PRKG1: variants seen among roughly 807,000 people sequenced by gnomAD.
PRKG1 encodes the protein protein kinase cGMP-dependent 1.
Under a neutral mutation model 88.1 loss-of-function variants are expected in PRKG1, and 35 were observed. That is an observed-to-expected ratio of 0.40 (90% CI 0.30 to 0.53). The LOEUF (loss-of-function observed/expected upper bound fraction) is 0.53. Ranked by LOEUF, PRKG1 falls within the 20% of genes least tolerant of loss-of-function variation. The pLI is 0.59. For synonymous variants in PRKG1, 303 were observed against 292.5 expected (o/e 1.04, Z -0.37); for missense variants, 540 against 839.8 (o/e 0.64, Z 4.41).
intron 3 of PRKG1, among the ~76,000 whole-genome samples, chr10:51,517,359 T>G (rs898558556): frequency 2.0e-5 from 3 of 152,158 alleles, no homozygotes; most frequent in Non-Finnish European, 2.9e-5. Flanking sequence ...TTCTTCTGGG[T>G]ATGGGAAAGG....
chr10:51,045,041 T>G (rs771564283), intron 1 of PRKG1, among the ~76,000 whole-genome samples: 14 of 152,210 alleles, frequency 9.2e-5, no homozygotes, highest in Non-Finnish European at 1.6e-4. Flanking sequence ...CTATGTTGTC[T>G]TAAAAGGTAG....
intron 3 of PRKG1, among the ~76,000 whole-genome samples, chr10:51,510,909 A>T (rs930223176): frequency 2.4e-4 from 33 of 135,400 alleles, no homozygotes; most frequent in Non-Finnish European, 3.1e-4. Flanking sequence ...ACACCAGCTT[A>T]TTTTTTTTTT....
intron 6 of PRKG1, among the ~76,000 whole-genome samples, chr10:52,059,074 T>G (rs1266535857): frequency 6.6e-6 from 1 of 151,896 alleles, no homozygotes; most frequent in African/African-American, 2.4e-5. Flanking sequence ...GTGTTCAAAA[T>G]GATTAGTCAT....
At chr10:51,904,373 T>TGGAG (rs1382216748) in intron 4 of PRKG1, among the ~76,000 whole-genome samples, 3 of 152,096 alleles carry the variant, frequency 2.0e-5, no homozygotes, top group African/African-American at 7.2e-5. Context: ...TATAATTTAG[T>TGGAG]GGAGTCTAAA....
At chr10:52,048,215 A>G (rs1412001438) in intron 5 of PRKG1, among the ~76,000 whole-genome samples, 1 of 152,076 alleles carries the variant, frequency 6.6e-6, no homozygotes, top group Non-Finnish European at 1.5e-5. Flanking sequence ...ACTTAAATAT[A>G]GAGGAAATAA....
chr10:51,789,608 C>A (rs1838814763), intron 3 of PRKG1, among the ~76,000 whole-genome samples: 2 of 151,892 alleles, frequency 1.3e-5, no homozygotes, highest in African/African-American at 4.8e-5. Context: ...TAAGGGCTAC[C>A]CTAAAATGAA....
intron 5 of PRKG1, chr10:51,909,486 C>T (rs747916346): frequency 6.6e-6 from 1 of 151,974 alleles, no homozygotes; most frequent in Non-Finnish European, 1.5e-5. Flanking sequence ...AGATCATTTA[C>T]ATATACGAAG....
In PRKG1 at chr10:51,398,383, G is replaced by A. The variant is rs527515680; in HGVS notation, c.479-69340G>A. Among the ~76,000 whole-genome samples the A allele has an allele frequency of 2.6e-5, 4 of 152,080 alleles. No individual in the cohort carries two copies. The South Asian group carries it at 8.3e-4, about 32-fold the overall frequency. ...ATCTGACAGGAGGAGGAGCTCAGGCGATGATGCTCACTCACCTGCTGCTCA... is the reference window on the plus strand; with the variant it reads ...ATCTGACAGGAGGAGGAGCTCAGGCAATGATGCTCACTCACCTGCTGCTCA... On this transcript the variant is annotated intron_variant, in intron 2 of 17. Transcript: ENST00000373980.
chr10:51,596,756 C>G lies in PRKG1; in HGVS notation c.592+128920C>G, dbSNP rs534452884. Among the ~76,000 whole-genome samples, 12 of 152,220 alleles carry G rather than the reference C, an allele frequency of 7.9e-5. No homozygotes were observed. The South Asian group carries it at 2.3e-3, about 29-fold the overall frequency. ...AATAATCAATGCGATGATTTGAAAG[C>G]TAGGGGAAGGATAAAATAAAAGTAA... is the stretch of plus-strand genomic sequence containing the variant. On this transcript the variant is annotated intron_variant, in intron 3 of 17. Transcript: ENST00000373980.
intron 3 of PRKG1, among the ~76,000 whole-genome samples, chr10:51,794,171 T>G (rs1333313943): frequency 6.6e-6 from 1 of 152,146 alleles, no homozygotes; most frequent in Non-Finnish European, 1.5e-5. Context: ...TAAATATATA[T>G]GCACCCAACA....
At chr10:51,076,026 C>T (rs188673144) in intron 1 of PRKG1, among the ~76,000 whole-genome samples, 1 of 152,180 alleles carries the variant, frequency 6.6e-6, no homozygotes, top group Non-Finnish European at 1.5e-5. Context: ...CAAGGTCCAT[C>T]GAAACCCTTC....
At position 51,627,834 on chromosome 10, in the gene PRKG1, CTCCTTTCCTT is replaced by C. The variant is rs370135817; in HGVS notation, c.592+160011_592+160020del. On this transcript the variant is annotated intron_variant, in intron 3 of 17. Coordinates refer to ENST00000373980, the MANE Select transcript of PRKG1 (RefSeq NM_006258.4). ...GGTAGCTGAAAGTCACAATCTTCCT[CTCCTTTCCTT>C]TCCTTTCCTTTCTCCTTCCTTCCTT... Among the ~76,000 whole-genome samples, 1,399 of 141,458 alleles carry C rather than the reference CTCCTTTCCTT, an allele frequency of 9.9e-3. 26 individuals carry two copies. Among genetic ancestry groups the C allele is most frequent in the African/African-American group, 0.033 (1,311 of 39,414 alleles). 92.8% of individuals were successfully genotyped at this position (141,458 alleles called of 152,430 possible). A position where few individuals can be genotyped will look rare whatever the true frequency, so the allele number is the denominator to read the frequency against.
At chr10:52,163,904 A>G (rs535564494) in intron 9 of PRKG1, among the ~76,000 whole-genome samples, 1 of 152,316 alleles carries the variant, frequency 6.6e-6, no homozygotes, top group African/African-American at 2.4e-5. Flanking sequence ...GAAGGCCAGA[A>G]GTCTTGGGTT....
intron 2 of PRKG1, among the ~76,000 whole-genome samples, chr10:51,246,089 C>T (rs541042834): frequency 6.6e-6 from 1 of 152,024 alleles, no homozygotes; most frequent in Non-Finnish European, 1.5e-5. Flanking sequence ...AAGGGAGCAG[C>T]AAATTCATAG....
chr10:51,633,967 T>A (rs190073006), intron 3 of PRKG1, among the ~76,000 whole-genome samples: 21 of 152,232 alleles, frequency 1.4e-4, no homozygotes, highest in African/African-American at 5.1e-4. Context: ...AACCCCCTCT[T>A]TTGAGGAAGC....
intron 2 of PRKG1, among the ~76,000 whole-genome samples, chr10:51,406,352 A>T (rs116517856): frequency 2.9e-3 from 440 of 152,214 alleles, no homozygotes; most frequent in African/African-American, 0.01. Context: ...TTTTTTCTTC[A>T]TGGCATACCG....
intron 3 of PRKG1, chr10:51,698,892 C>T: frequency 6.2e-7 from 1 of 1,611,390 alleles, no homozygotes; most frequent in Non-Finnish European, 8.5e-7. Flanking sequence ...GGGCAGAGCC[C>T]AGGGCCAGGG....
At chr10:52,166,849 GTC>G (rs1564498618) in intron 9 of PRKG1, among the ~76,000 whole-genome samples, 117 of 48,980 alleles carry the variant, frequency 2.4e-3, no homozygotes, top group Middle Eastern at 0.01. Flanking sequence ...GTATATATAT[GTC>G]TATATATATA....
At chr10:51,237,286 C>T (rs865879935) in intron 2 of PRKG1, among the ~76,000 whole-genome samples, 12 of 152,066 alleles carry the variant, frequency 7.9e-5, no homozygotes, top group Non-Finnish European at 4.4e-5. Flanking sequence ...ATTCTCAGGG[C>T]GTTGGTAGCT....
Sources: allele counts gnomAD v4.1 joint callset (sites outside exome capture counted in the v4.1 genomes callset), GRCh38; gene constraint gnomAD v4.1.1; transcripts MANE v1.5; gene names NCBI Gene and HGNC (gene_info 2026-07-23, HGNC 2026-07-21).